The following SMYD3 variants were observed in gnomAD, a reference collection of about 807,000 sequenced individuals.
The protein encoded by SMYD3 is histone-lysine N-methyltransferase SMYD3.
A neutral mutation model predicts 57.7 loss-of-function variants in SMYD3; 36 were observed. The ratio of observed to expected loss-of-function variants is 0.62; its 90% confidence interval spans 0.48 to 0.82. The LOEUF (loss-of-function observed/expected upper bound fraction) is 0.82, where lower values mean the gene tolerates loss of function less well. SMYD3 is among the 40% of genes least tolerant of loss of function. The pLI is 0.00. For missense variants in SMYD3, 515 were observed against 538.8 expected, an observed-to-expected ratio of 0.96 and a Z score of 0.44; for synonymous variants, 211 against 195.0, an observed-to-expected ratio of 1.08 and a Z score of -0.68.
rs1553321397 is a variant in SMYD3 at position 245,786,221 on chromosome 1, G to GGGA, written c.1077-22073_1077-22072insTCC. On this transcript the variant is annotated intron_variant, in intron 10 of 11. Transcript: ENST00000490107. ...TTGAGTTGGGGTGTGGACGGGGGGG[G>GGGA]GATGGTGGCAACAGAATATTAAGAA... Among the ~76,000 whole-genome samples, 3 of 147,354 alleles carry GGGA rather than the reference G, an allele frequency of 2.0e-5. No individual in the cohort carries two copies. In the East Asian group the frequency reaches 6.2e-4, roughly 30 times the overall value.
At chr1:245,824,870 C>CAA (rs1052440827) in intron 10 of SMYD3, among the ~76,000 whole-genome samples, 1 of 92,456 alleles carries the variant, frequency 1.1e-5, no homozygotes, top group Non-Finnish European at 2.5e-5. Context: ...AAAAAAAAAA[C>CAA]AAAAAAAAAA....
chr1:246,110,294 T>G (rs1248230159), intron 5 of SMYD3, among the ~76,000 whole-genome samples: 1 of 152,092 alleles, frequency 6.6e-6, no homozygotes, highest in African/African-American at 2.4e-5. Context: ...CTGTAAAGAG[T>G]TCATTTAGAT....
At position 245,992,964 on chromosome 1, in the gene SMYD3, C is replaced by T. The variant is rs557003826; in HGVS notation, c.532-63027G>A. 7.5e-4 allele frequency among the ~76,000 whole-genome samples: 106 copies of T among 141,062 alleles called. 1 individual carries two copies. Among genetic ancestry groups the T allele is most frequent in the African/African-American group, 2.3e-3 (93 of 39,882 alleles). The allele number at this position is 141,062 out of a possible 152,430, so 92.5% of individuals were successfully genotyped here. On this transcript the variant is annotated intron_variant, in intron 5 of 11. Coordinates refer to ENST00000490107, the MANE Select transcript of SMYD3 (RefSeq NM_001167740.2). ...CATGGATCGGCCACTTCTAGAATGG[C>T]GGTCATGGGGCCTGGAGTGGTCATG...
At chr1:246,253,718 A>G (rs997976855) in intron 5 of SMYD3, among the ~76,000 whole-genome samples, 1 of 152,222 alleles carries the variant, frequency 6.6e-6, no homozygotes, top group Non-Finnish European at 1.5e-5. Flanking sequence ...GTGTATATCT[A>G]CTGCAAATGA....
chr1:245,857,798 C>A (rs2148475502), intron 10 of SMYD3, among the ~76,000 whole-genome samples: 1 of 152,256 alleles, frequency 6.6e-6, no homozygotes, highest in African/African-American at 2.4e-5. Context: ...AATCAGGGTG[C>A]AGCATCCACC....
intron 5 of SMYD3, among the ~76,000 whole-genome samples, chr1:246,275,713 C>G (rs1011562160): frequency 1.3e-5 from 2 of 151,606 alleles, no homozygotes; most frequent in African/African-American, 4.9e-5. Context: ...GCTGTATTAA[C>G]ACTGGCAAGT....
At chr1:246,488,385 C>T (rs1336753978) in intron 1 of SMYD3, among the ~76,000 whole-genome samples, 3 of 152,116 alleles carry the variant, frequency 2.0e-5, no homozygotes, top group Non-Finnish European at 4.4e-5. Flanking sequence ...AAGCTAAGCA[C>T]AGAAAAAAAT....
chr1:245,838,637 A>G (rs2362914), intron 10 of SMYD3, among the ~76,000 whole-genome samples: 148,773 of 152,302 alleles, frequency 0.98, 72,756 homozygotes, highest in East Asian at 1. Flanking sequence ...AAATGGGAAC[A>G]GAGTTTTCAA....
Position 245,775,276 on chromosome 1 carries a change from G to T in SMYD3, c.1077-11127C>A, listed in dbSNP as rs571558042. Among the ~76,000 whole-genome samples the T allele has an allele frequency of 1.4e-3, 208 of 147,060 alleles. 1 individual carries two copies. The highest frequency in any genetic ancestry group is 0.013 in the Admixed American group (192 of 15,126). On this transcript the variant is annotated intron_variant, in intron 10 of 11. Coordinates refer to ENST00000490107, the MANE Select transcript of SMYD3 (RefSeq NM_001167740.2). The stretch of plus-strand genomic sequence containing the variant: ...CGATGGCGGTTTTGTCGAGTGGAAG[G>T]GGGGAAGTGTGGGGAAAGGAAAGAG...
intron 1 of SMYD3, among the ~76,000 whole-genome samples, chr1:246,363,623 C>G (rs1438436381): frequency 2.6e-5 from 4 of 152,204 alleles, no homozygotes; most frequent in African/African-American, 7.2e-5. Context: ...GACCTTACCC[C>G]CCAACCCTGT....
At chr1:246,209,045 G>A (rs2063044623) in intron 5 of SMYD3, among the ~76,000 whole-genome samples, 1 of 152,096 alleles carries the variant, frequency 6.6e-6, no homozygotes, top group African/African-American at 2.4e-5. Flanking sequence ...AAATATAAAT[G>A]TAATAAAAAT....
At chr1:246,171,352 C>T (rs12123022) in intron 5 of SMYD3, among the ~76,000 whole-genome samples, 1 of 152,098 alleles carries the variant, frequency 6.6e-6, no homozygotes, top group Non-Finnish European at 1.5e-5. Flanking sequence ...TTTGCATATC[C>T]TTTTGCTTTA....
At chr1:246,164,285 T>C (rs2148211388) in intron 5 of SMYD3, among the ~76,000 whole-genome samples, 1 of 152,118 alleles carries the variant, frequency 6.6e-6, no homozygotes, top group East Asian at 1.9e-4. Flanking sequence ...TAGCTGGGCG[T>C]GGTGGCGGGT....
intron 5 of SMYD3, among the ~76,000 whole-genome samples, chr1:245,944,082 G>T (rs2057353923): frequency 6.6e-6 from 1 of 152,116 alleles, no homozygotes; most frequent in Non-Finnish European, 1.5e-5. Flanking sequence ...ACTGGCACAA[G>T]ACAAGGATGC....
intron 5 of SMYD3, among the ~76,000 whole-genome samples, chr1:246,273,182 C>T (rs2064261189): frequency 1.6e-5 from 2 of 124,488 alleles, no homozygotes. Context: ...CAGAGTCTTG[C>T]TCTGTTTCCC....
At chr1:246,403,479 C>T (rs906615261) in intron 1 of SMYD3, among the ~76,000 whole-genome samples, 3 of 152,138 alleles carry the variant, frequency 2.0e-5, no homozygotes, top group African/African-American at 4.8e-5. Context: ...AAATATATCC[C>T]AGTTTCCTTC....
In SMYD3 at chr1:246,097,568, G is replaced by C. The variant is rs991667722; in HGVS notation, c.532-167631C>G. On this transcript the variant is annotated intron_variant, in intron 5 of 11. Coordinates refer to ENST00000490107, the MANE Select transcript of SMYD3 (RefSeq NM_001167740.2). ...TGTAGTACTCCAGAGTTCTCAGATA[G>C]ACCTGTCCAAAACCTCTCATTCCTT... is the stretch of plus-strand genomic sequence containing the variant. 1.1e-4 allele frequency among the ~76,000 whole-genome samples: 16 copies of C among 152,144 alleles called. 1 individual carries two copies. Among genetic ancestry groups the C allele is most frequent in the African/African-American group, 3.9e-4 (16 of 41,504 alleles).
At chr1:246,103,333 A>T (rs1389924272) in intron 5 of SMYD3, among the ~76,000 whole-genome samples, 4 of 152,152 alleles carry the variant, frequency 2.6e-5, no homozygotes, top group Non-Finnish European at 2.9e-5. Flanking sequence ...ACAGAATATT[A>T]AGGCTATCGA....
At chr1:245,904,716 G>A (rs1448233693) in intron 8 of SMYD3, among the ~76,000 whole-genome samples, 1 of 152,074 alleles carries the variant, frequency 6.6e-6, no homozygotes, top group Non-Finnish European at 1.5e-5. Context: ...TAGGCCCAGA[G>A]ACAGTGGACT....
Sources: gnomAD v4.1 joint callset for allele counts (sites outside exome capture counted in the v4.1 genomes callset) on GRCh38, gnomAD v4.1.1 for gene constraint, MANE v1.5 for transcripts, NCBI Gene and HGNC (gene_info 2026-07-23, HGNC 2026-07-21) for gene names.